Variants in LSAMP observed in about 807,000 individuals in gnomAD.
LSAMP encodes the protein limbic system-associated membrane protein.
In LSAMP, 7 loss-of-function variants were observed where a neutral mutation model predicts 38.6. That is an observed-to-expected ratio of 0.18 (90% CI 0.10 to 0.34). LSAMP has a LOEUF of 0.34. Ranked by LOEUF, LSAMP falls within the 10% of genes least tolerant of loss-of-function variation. The pLI, the probability that LSAMP is intolerant of heterozygous loss-of-function variation, is 1.00. For synonymous variants in LSAMP, 154 were observed against 166.8 expected (o/e 0.92, Z 0.59); for missense variants, 313 against 420.0 (o/e 0.75, Z 2.23).
At chr3:116,173,722 G>C (rs1344695033) in intron 1 of LSAMP, among the ~76,000 whole-genome samples, 4 of 151,616 alleles carry the variant, frequency 2.6e-5, no homozygotes, top group African/African-American at 9.7e-5. Flanking sequence ...ATGAGCGAGA[G>C]CATATTTAAC....
chr3:115,948,790 C>G (rs1315248501), intron 3 of LSAMP, among the ~76,000 whole-genome samples: 1 of 152,026 alleles, frequency 6.6e-6, no homozygotes, highest in Non-Finnish European at 1.5e-5. Flanking sequence ...CAGAGCAGAA[C>G]TAAATAAAAT....
chr3:115,890,667 A>G (rs896483769), intron 3 of LSAMP, among the ~76,000 whole-genome samples: 1 of 151,966 alleles, frequency 6.6e-6, no homozygotes, highest in Non-Finnish European at 1.5e-5. Flanking sequence ...TTCCCAGGAA[A>G]CAAAACAAAT....
intron 1 of LSAMP, among the ~76,000 whole-genome samples, chr3:116,376,614 C>A (rs539600705): frequency 6.6e-6 from 1 of 152,052 alleles, no homozygotes; most frequent in East Asian, 1.9e-4. Flanking sequence ...GCAGTTTTTA[C>A]ATTTAACTAA....
intron 1 of LSAMP, among the ~76,000 whole-genome samples, chr3:116,384,094 G>T (rs1040449200): frequency 2.6e-5 from 4 of 151,966 alleles, no homozygotes; most frequent in African/African-American, 9.7e-5. Flanking sequence ...TCAAGCCAGA[G>T]AATTATTTGG....
chr3:115,856,611 T>G (rs1337407120), intron 3 of LSAMP, among the ~76,000 whole-genome samples: 1 of 146,252 alleles, frequency 6.8e-6, no homozygotes, highest in East Asian at 2.0e-4. Flanking sequence ...AGAGCAAGAC[T>G]CCATCTCAAA....
chr3:116,132,235 T>C, intron 1 of LSAMP, among the ~76,000 whole-genome samples: 1 of 80,492 alleles, frequency 1.2e-5, no homozygotes, highest in East Asian at 4.6e-4. Context: ...ACTATAGAAC[T>C]ATCAAAAAAA....
intron 1 of LSAMP, among the ~76,000 whole-genome samples, chr3:116,315,331 CCT>C (rs1228199667): frequency 6.6e-6 from 1 of 152,158 alleles, no homozygotes. Context: ...TTCCAAATCC[CCT>C]TTGTCCTGTA....
intron 3 of LSAMP, among the ~76,000 whole-genome samples, chr3:115,939,757 G>A (rs753353724): frequency 6.6e-6 from 1 of 151,956 alleles, no homozygotes; most frequent in African/African-American, 2.4e-5. Flanking sequence ...TGGGGTTCTT[G>A]CTAGCTCTTC....
intron 1 of LSAMP, among the ~76,000 whole-genome samples, chr3:116,278,844 G>T (rs1229542571): frequency 2.6e-5 from 4 of 152,076 alleles, no homozygotes; most frequent in Non-Finnish European, 5.9e-5. Context: ...TAAGTGTTTT[G>T]TTGATACTTT....
intron 1 of LSAMP, among the ~76,000 whole-genome samples, chr3:116,254,789 T>G (rs1461050465): frequency 2.6e-5 from 4 of 152,174 alleles, no homozygotes; most frequent in African/African-American, 9.7e-5. Context: ...CTCAGATTGC[T>G]CAACAATGTA....
In LSAMP at chr3:116,209,655, A is replaced by C. The variant is rs80234772; in HGVS notation, c.156-123099T>G. Among the ~76,000 whole-genome samples the C allele has an allele frequency of 2.9e-3, 448 of 152,254 alleles. 3 individuals are homozygous for C. The highest frequency in any genetic ancestry group is 9.8e-3 in the African/African-American group (407 of 41,564). On this transcript the variant is annotated intron_variant, in intron 1 of 6. Transcript: ENST00000490035. The stretch of plus-strand genomic sequence containing the variant: ...GTAAGACAAGCTAAGGTGGAGCCCA[A>C]ACGCAAACAGTGATCAATGACTTGG...
chr3:116,086,233 T>C, intron 2 of LSAMP, 91 bp downstream of exon 2: 1 of 1,026,418 alleles, frequency 9.7e-7, no homozygotes, highest in South Asian at 1.4e-5. Context: ...GAATATTTCT[T>C]TTCAGGAAGG....
chr3:116,348,305 T>C (rs1204084911), intron 1 of LSAMP, among the ~76,000 whole-genome samples: 4 of 152,082 alleles, frequency 2.6e-5, no homozygotes, highest in African/African-American at 9.7e-5. Flanking sequence ...TCAGCTGTAA[T>C]TGCATTCTTG....
chr3:115,881,379 G>C (rs1936318931), intron 3 of LSAMP, among the ~76,000 whole-genome samples: 1 of 152,092 alleles, frequency 6.6e-6, no homozygotes, highest in African/African-American at 2.4e-5. Flanking sequence ...ATCCATATTT[G>C]GATGTTACTT....
chr3:116,096,719 T>C (rs1481122832), intron 1 of LSAMP, among the ~76,000 whole-genome samples: 1 of 152,346 alleles, frequency 6.6e-6, no homozygotes, highest in Admixed American at 6.5e-5. Context: ...TAGAGGCCCA[T>C]GCTGTGCTTT....
chr3:116,320,085 C>T (rs1209593148), intron 1 of LSAMP, among the ~76,000 whole-genome samples: 1 of 152,128 alleles, frequency 6.6e-6, no homozygotes, highest in African/African-American at 2.4e-5. Flanking sequence ...AAGAAAACTG[C>T]TATTGCATTT....
Position 116,071,335 on chromosome 3 carries a change from G to GTTT in LSAMP, c.388+14986_388+14988dup, listed in dbSNP as rs1311919036. On this transcript the variant is annotated intron_variant, in intron 2 of 6. Transcript: ENST00000490035. The stretch of plus-strand genomic sequence containing the variant: ...GGTTATCCTCTTAATAATCATGAGG[G>GTTT]TTTTTTTTTTTTTAACAATTCTTCT... 7.7e-5 allele frequency among the ~76,000 whole-genome samples: 11 copies of GTTT among 142,176 alleles called. 1 individual carries two copies. The highest frequency in any genetic ancestry group is 2.8e-4 in the African/African-American group (11 of 39,464). The allele number at this position is 142,176 out of a possible 152,430, so 93.3% of individuals were successfully genotyped here.
At chr3:116,125,821 G>T (rs924890164) in intron 1 of LSAMP, among the ~76,000 whole-genome samples, 1 of 152,094 alleles carries the variant, frequency 6.6e-6, no homozygotes, top group Non-Finnish European at 1.5e-5. Context: ...AACTGAAAAA[G>T]ATTTATAATT....
At chr3:115,889,811 C>T (rs948297843) in intron 3 of LSAMP, among the ~76,000 whole-genome samples, 36 of 151,988 alleles carry the variant, frequency 2.4e-4, no homozygotes, top group African/African-American at 7.2e-4. Flanking sequence ...AATTGAGCAC[C>T]GCAAAACGAA....
Sources: gnomAD v4.1 joint callset for allele counts (sites outside exome capture counted in the v4.1 genomes callset) on GRCh38, gnomAD v4.1.1 for gene constraint, MANE v1.5 for transcripts, NCBI Gene and HGNC (gene_info 2026-07-23, HGNC 2026-07-21) for gene names.